Variants in CCDC28A observed in about 807,000 individuals in gnomAD.
The protein encoded by CCDC28A is coiled-coil domain containing 28A, also known as coiled-coil domain-containing protein 28A.
CCDC28A carries 24 observed loss-of-function variants against 22.1 expected under a neutral mutation model. The observed-to-expected ratio is 1.09, with a 90% CI of 0.79 to 1.53. CCDC28A has a LOEUF of 1.53. CCDC28A is among the 40% of genes most tolerant of loss of function. CCDC28A has a pLI of 0.00. For synonymous variants in CCDC28A, 83 were observed against 74.7 expected, an observed-to-expected ratio of 1.11 and a Z score of -0.57; for missense variants, 170 against 210.7, an observed-to-expected ratio of 0.81 and a Z score of 1.20.
chr6:138,774,492 TAAAAG>T (rs2114897535), intron 1 of CCDC28A, among the ~76,000 whole-genome samples: 1 of 152,324 alleles, frequency 6.6e-6, no homozygotes, highest in South Asian at 2.1e-4. Context: ...AAATGCTTCT[TAAAAG>T]AAAAATTGTT....
At chr6:138,785,004 C>G in intron 3 of CCDC28A, among the ~76,000 whole-genome samples, 1 of 152,144 alleles carries the variant, frequency 6.6e-6, no homozygotes, top group Middle Eastern at 3.2e-3. Context: ...AAATATTTCC[C>G]ATATGATTTT....
intron 1 of CCDC28A, among the ~76,000 whole-genome samples, 189 bp from the exon 2 acceptor site, chr6:138,775,890 C>T (rs115076119): frequency 6.6e-6 from 1 of 151,918 alleles, no homozygotes; most frequent in African/African-American, 2.4e-5. Context: ...AACTGTCTAC[C>T]AGACAATTTT....
At chr6:138,792,659 C>T (rs1441125283) in intron 5 of CCDC28A, 90 bp from the exon 6 acceptor site, 6 of 806,958 alleles carry the variant, frequency 7.4e-6, no homozygotes, top group African/African-American at 1.7e-5. Context: ...TTTTTAAATA[C>T]CGCTTTCTCT....
At chr6:138,783,718 G>A (rs536855904) in intron 3 of CCDC28A, among the ~76,000 whole-genome samples, 8 of 151,516 alleles carry the variant, frequency 5.3e-5, no homozygotes, top group African/African-American at 1.7e-4. Flanking sequence ...GATTACAGGC[G>A]TGAGCCACCG....
Position 138,773,779 on chromosome 6 carries a change from G to A in CCDC28A, c.-166G>A, listed in dbSNP as rs1257397001. 6.2e-7 allele frequency: 1 copy of A among 1,613,224 alleles called. No individual in the cohort carries two copies. Among genetic ancestry groups the A allele is most frequent in the South Asian group, 1.1e-5 (1 of 90,992 alleles). Reference sequence around the variant, plus strand: ...TCTTACGTCACTTCCGTAAACAAACGGAGCTGCGGAGGAGCGGGTCCCGGG... The same window carrying A: ...TCTTACGTCACTTCCGTAAACAAACAGAGCTGCGGAGGAGCGGGTCCCGGG... On this transcript the variant is annotated 5_prime_UTR_variant, in exon 1 of 6. Transcript: ENST00000617445.
chr6:138,789,232 T>C (rs1775136282), intron 5 of CCDC28A, among the ~76,000 whole-genome samples: 1 of 152,192 alleles, frequency 6.6e-6, no homozygotes, highest in Admixed American at 6.5e-5. Flanking sequence ...CAATGAGAAA[T>C]GATCCTGCCT....
At chr6:138,780,868 G>C (rs1432232352) in intron 3 of CCDC28A, among the ~76,000 whole-genome samples, 2 of 151,936 alleles carry the variant, frequency 1.3e-5, no homozygotes, top group African/African-American at 4.8e-5. Flanking sequence ...CACCGCGCCT[G>C]GCCTATTTCT....
Position 138,782,442 on chromosome 6 carries a change from G to C in CCDC28A, c.322+2457G>C, listed in dbSNP as rs185862942. ...TCTGCTGACTCATCTTTCATCTCAC[G>C]TAACATATTTTCTATTGTTTATTAT... On this transcript the variant is annotated intron_variant, in intron 3 of 5. Transcript: ENST00000617445. 9.9e-5 allele frequency among the ~76,000 whole-genome samples: 15 copies of C among 151,986 alleles called. No homozygotes were observed. In the East Asian group the frequency reaches 2.9e-3, roughly 29 times the overall value.
chr6:138,779,963 C>T lies in CCDC28A; in HGVS notation c.300C>T (p.His100=). 1 of 1,609,624 alleles carries T rather than the reference C, an allele frequency of 6.2e-7. No homozygotes were observed. Among genetic ancestry groups the T allele is most frequent in the Non-Finnish European group, 8.5e-7 (1 of 1,178,454 alleles). ...TGCTCAGTCTTTTGAATGATTTCCA[C>T]TCTGGAAAACTTCAAGCATTTGGTA... ...RGLLSLLNDF[H]SGKLQAFGNE... Residue 100 remains histidine, a synonymous_variant, in exon 3 of 6, where the codon CAC becomes CAT. Coordinates refer to ENST00000617445, the MANE Select transcript of CCDC28A (RefSeq NM_015439.3).
chr6:138,777,562 A>T (rs185048064), intron 2 of CCDC28A, among the ~76,000 whole-genome samples: 47 of 152,284 alleles, frequency 3.1e-4, no homozygotes, highest in South Asian at 2.1e-3. Flanking sequence ...CCTCTTGTAG[A>T]TGTAGGCTTC....
At chr6:138,792,553 C>T (rs1775187378) in intron 5 of CCDC28A, among the ~76,000 whole-genome samples, 196 bp from the exon 6 acceptor site, 1 of 94,114 alleles carries the variant, frequency 1.1e-5, no homozygotes, top group Non-Finnish European at 1.9e-5. Flanking sequence ...TCTTCAAATT[C>T]TAGACAAGAG....
intron 1 of CCDC28A, among the ~76,000 whole-genome samples, chr6:138,775,708 TG>T (rs1262877926): frequency 6.6e-6 from 1 of 152,234 alleles, no homozygotes; most frequent in Admixed American, 6.5e-5. Flanking sequence ...GTGGATCATT[TG>T]TTTATTGTTT....
intron 5 of CCDC28A, among the ~76,000 whole-genome samples, chr6:138,789,755 G>A (rs1447808169): frequency 1.3e-5 from 2 of 152,178 alleles, no homozygotes; most frequent in Non-Finnish European, 2.9e-5. Context: ...AACCTGGGAG[G>A]TGGAGGTTGC....
chr6:138,784,684 C>T (rs1395053811), intron 3 of CCDC28A, among the ~76,000 whole-genome samples: 3 of 151,314 alleles, frequency 2.0e-5, no homozygotes, highest in Non-Finnish European at 4.4e-5. Context: ...TAAAAAGAAA[C>T]GTTTCCTATA....
intron 3 of CCDC28A, among the ~76,000 whole-genome samples, chr6:138,780,668 G>A (rs1366709945): frequency 6.7e-6 from 1 of 149,800 alleles, no homozygotes; most frequent in Non-Finnish European, 1.5e-5. Context: ...TCCACCTCTC[G>A]GGTTCAAGTG....
chr6:138,773,793 G>C lies in CCDC28A; in HGVS notation c.-152G>C. 1 of 1,613,922 alleles carries C rather than the reference G, an allele frequency of 6.2e-7. No homozygotes were observed. The highest frequency in any genetic ancestry group is 1.3e-5 in the African/African-American group (1 of 75,064). On this transcript the variant is annotated 5_prime_UTR_variant, in exon 1 of 6. Coordinates refer to ENST00000617445, the MANE Select transcript of CCDC28A (RefSeq NM_015439.3). Reference sequence around the variant, plus strand: ...CGTAAACAAACGGAGCTGCGGAGGAGCGGGTCCCGGGATGTGACCGGGGCT... The same window carrying C: ...CGTAAACAAACGGAGCTGCGGAGGACCGGGTCCCGGGATGTGACCGGGGCT...
rs1451186391 is a variant in CCDC28A, at chr6:138,789,084, T to A, written c.500+696T>A. On this transcript the variant is annotated intron_variant, in intron 5 of 5. Coordinates refer to ENST00000617445, the MANE Select transcript of CCDC28A (RefSeq NM_015439.3). ...ACAATTAAATGTACTTAGTGTATTA[T>A]AGGATTAGCTTAAAGGACATCACCA... Among the ~76,000 whole-genome samples, 4 of 152,228 alleles carry A rather than the reference T, an allele frequency of 2.6e-5. No homozygotes were observed. In the South Asian group the frequency reaches 8.3e-4, roughly 31 times the overall value.
chr6:138,788,140 T>C (rs528290919), intron 4 of CCDC28A, among the ~76,000 whole-genome samples: 58 of 151,956 alleles, frequency 3.8e-4, no homozygotes, highest in African/African-American at 9.7e-4. Context: ...TTTTTATTTT[T>C]TGTAGAGAGG....
chr6:138,778,442 G>A (rs1474247901), intron 2 of CCDC28A, among the ~76,000 whole-genome samples: 2 of 152,048 alleles, frequency 1.3e-5, no homozygotes, highest in African/African-American at 4.8e-5. Context: ...TTCCTATATC[G>A]CAGTGCGCAT....
Sources: gnomAD v4.1 joint callset for allele counts (sites outside exome capture counted in the v4.1 genomes callset) on GRCh38, gnomAD v4.1.1 for gene constraint, MANE v1.5 for transcripts, NCBI Gene and HGNC (gene_info 2026-07-23, HGNC 2026-07-21) for gene names.